The following NCOA2 variants were observed in gnomAD, a reference collection of about 807,000 sequenced individuals.
The protein encoded by NCOA2 is class E basic helix-loop-helix protein 75.
Under a neutral mutation model 145.1 loss-of-function variants are expected in NCOA2, and 21 were observed. That is an observed-to-expected ratio of 0.14 (90% CI 0.10 to 0.21). NCOA2 has a LOEUF of 0.21. Ranked by LOEUF, NCOA2 falls within the 10% of genes least tolerant of loss-of-function variation. NCOA2 has a pLI of 1.00. For missense variants in NCOA2, 1,472 were observed against 1,837.6 expected, an observed-to-expected ratio of 0.80 and a Z score of 3.64; for synonymous variants, 619 against 637.5, an observed-to-expected ratio of 0.97 and a Z score of 0.44.
chr8:70,354,484 T>C (rs908201195), intron 1 of NCOA2, among the ~76,000 whole-genome samples: 10 of 152,324 alleles, frequency 6.6e-5, no homozygotes, highest in South Asian at 2.1e-4. Flanking sequence ...AAACATTCTC[T>C]AGAAAACATA....
At chr8:70,411,051 A>G in the NCOA2 span, among the ~76,000 whole-genome samples, 1 of 152,222 alleles carries the variant, frequency 6.6e-6, no homozygotes, top group Non-Finnish European at 1.5e-5. Flanking sequence ...GTATTTTGCT[A>G]TTAACTTATG....
At chr8:70,150,686 T>A (rs1811637529) in intron 11 of NCOA2, among the ~76,000 whole-genome samples, 1 of 152,242 alleles carries the variant, frequency 6.6e-6, no homozygotes, top group Non-Finnish European at 1.5e-5. Context: ...CACTGTAATC[T>A]TCTTTATCAT....
At chr8:70,147,127 C>CGTGTGT (rs1195939923) in intron 12 of NCOA2, among the ~76,000 whole-genome samples, 11 of 144,794 alleles carry the variant, frequency 7.6e-5, no homozygotes, top group African/African-American at 2.0e-4. Context: ...CGCGCGCGCG[C>CGTGTGT]GTGTGTGTGT....
rs1031255557 is a variant in NCOA2 at position 70,174,931 on chromosome 8, C to A, written c.260-72G>T. The A allele has an allele frequency of 5.9e-5, 82 of 1,393,416 alleles. No individual in the cohort carries two copies. The Admixed American group carries it at 8.8e-4, about 15-fold the overall frequency. 86.3% of individuals were successfully genotyped at this position (1,393,416 alleles called of 1,614,324 possible). ...ACAGAGTGACACAGAAATGTTTTTA[C>A]TGTAATGATTTTTAAAAATCTCTAG... On this transcript the variant is annotated intron_variant, in intron 4 of 22. Coordinates refer to ENST00000452400, the MANE Select transcript of NCOA2 (RefSeq NM_006540.4).
chr8:70,191,671 G>C (rs1042260136), intron 4 of NCOA2, among the ~76,000 whole-genome samples: 1 of 152,164 alleles, frequency 6.6e-6, no homozygotes, highest in East Asian at 1.9e-4. Flanking sequence ...ACACAAATGG[G>C]ATATGTTTTT....
intron 1 of NCOA2, among the ~76,000 whole-genome samples, chr8:70,392,935 T>C (rs576265331): frequency 6.6e-6 from 1 of 152,320 alleles, no homozygotes; most frequent in East Asian, 1.9e-4. Flanking sequence ...AAACCTGTGG[T>C]AGTCCCAGAA....
chr8:70,254,665 A>T (rs1823486412), intron 2 of NCOA2, among the ~76,000 whole-genome samples: 1 of 139,968 alleles, frequency 7.1e-6, no homozygotes, highest in South Asian at 2.7e-4. Context: ...TAGCTACAGC[A>T]ATTAGAATGG....
intron 7 of NCOA2, among the ~76,000 whole-genome samples, 168 bp from the exon 8 acceptor site, chr8:70,163,734 T>C (rs564151655): frequency 1.2e-4 from 18 of 152,042 alleles, no homozygotes; most frequent in African/African-American, 4.3e-4. Context: ...TTCATGAAAG[T>C]GGTAGGTGGG....
At chr8:70,216,544 G>C in intron 3 of NCOA2, 116 bp downstream of exon 3, 1 of 820,868 alleles carries the variant, frequency 1.2e-6, no homozygotes, top group Non-Finnish European at 2.1e-6. Context: ...TAACTGTTAA[G>C]GAGAAAAACC....
intron 1 of NCOA2, among the ~76,000 whole-genome samples, chr8:70,342,690 T>C (rs940435376): frequency 6.6e-6 from 1 of 150,732 alleles, no homozygotes; most frequent in Non-Finnish European, 1.5e-5. Context: ...AGAATACACA[T>C]TATAATATTA....
intron 8 of NCOA2, 32 bp from the exon 9 acceptor site, chr8:70,162,886 T>C (rs375494602): frequency 7.1e-5 from 111 of 1,557,590 alleles, no homozygotes; most frequent in Non-Finnish European, 8.8e-5. Context: ...TATACCTACA[T>C]GTTGATCTAT....
intron 11 of NCOA2, among the ~76,000 whole-genome samples, chr8:70,150,737 AT>A (rs1325798020): frequency 1.3e-5 from 2 of 152,228 alleles, no homozygotes; most frequent in Non-Finnish European, 1.5e-5. Context: ...TATTCTCAGT[AT>A]AAACATAGAT....
At chr8:70,216,801 A>G in intron 2 of NCOA2, 37 bp from the exon 3 acceptor site, 1 of 1,307,812 alleles carries the variant, frequency 7.6e-7, no homozygotes, top group Non-Finnish European at 1.1e-6. Context: ...GAAAAAAATG[A>G]AGAGAGCTGA....
chr8:70,426,308 C>T, the NCOA2 span, among the ~76,000 whole-genome samples: 3 of 152,110 alleles, frequency 2.0e-5, no homozygotes, highest in Non-Finnish European at 4.4e-5. Flanking sequence ...AACATTCATA[C>T]TAAAATAAAA....
intron 2 of NCOA2, among the ~76,000 whole-genome samples, chr8:70,293,014 GT>G (rs1414713225): frequency 2.0e-5 from 3 of 152,192 alleles, no homozygotes; most frequent in Non-Finnish European, 2.9e-5. Flanking sequence ...ACTCTGAACA[GT>G]TAAATGACTG....
the NCOA2 span, among the ~76,000 whole-genome samples, chr8:70,446,186 C>T: frequency 1.3e-5 from 2 of 152,206 alleles, no homozygotes; most frequent in South Asian, 2.1e-4. Flanking sequence ...TTCTGCTCCT[C>T]ATGCCCAAAG....
intron 1 of NCOA2, among the ~76,000 whole-genome samples, chr8:70,383,094 C>T (rs1386223558): frequency 6.6e-6 from 1 of 152,192 alleles, no homozygotes; most frequent in African/African-American, 2.4e-5. Context: ...GAACTCTGGA[C>T]AGAGCGCCCA....
chr8:70,300,561 A>C (rs971509844), intron 1 of NCOA2, among the ~76,000 whole-genome samples: 6 of 152,220 alleles, frequency 3.9e-5, no homozygotes, highest in African/African-American at 1.4e-4. Context: ...TCTACACCAC[A>C]CATAAATAAG....
At chr8:70,325,951 C>T (rs1222855577) in intron 1 of NCOA2, among the ~76,000 whole-genome samples, 4 of 152,130 alleles carry the variant, frequency 2.6e-5, no homozygotes, top group Non-Finnish European at 5.9e-5. Context: ...GACACACCTA[C>T]CATTCTAATA....
Sources: gnomAD v4.1 joint callset for allele counts (sites outside exome capture counted in the v4.1 genomes callset) on GRCh38, gnomAD v4.1.1 for gene constraint, MANE v1.5 for transcripts, NCBI Gene and HGNC (gene_info 2026-07-23, HGNC 2026-07-21) for gene names.